KANK1: variants seen among roughly 807,000 people sequenced by gnomAD.
The protein encoded by KANK1 is KN motif and ankyrin repeat domain-containing protein 1.
In KANK1, 109 loss-of-function variants were observed where a neutral mutation model predicts 106.2. That is an observed-to-expected ratio of 1.03 (90% CI 0.88 to 1.20). The LOEUF is 1.20. Ranked by LOEUF, KANK1 falls within the 50% of genes most tolerant of loss-of-function variation. The pLI, the probability that KANK1 is intolerant of heterozygous loss-of-function variation, is 0.00. For synonymous variants in KANK1, 873 were observed against 652.2 expected, an observed-to-expected ratio of 1.34 and a Z score of -5.16; for missense variants, 2,399 against 1,710.7, an observed-to-expected ratio of 1.40 and a Z score of -7.10.
chr9:645,480 A>G (rs1839473538), intron 1 of KANK1, among the ~76,000 whole-genome samples: 1 of 149,838 alleles, frequency 6.7e-6, no homozygotes, highest in Non-Finnish European at 1.5e-5. Context: ...GATAAAAAAC[A>G]GTGAAATAAA....
intron 1 of KANK1, among the ~76,000 whole-genome samples, chr9:609,746 A>G (rs79943573): frequency 0.059 from 8,982 of 152,236 alleles, 858 homozygotes; most frequent in African/African-American, 0.2. Flanking sequence ...AGTTAATTCT[A>G]AATAAAGGAG....
intron 3 of KANK1, among the ~76,000 whole-genome samples, chr9:720,683 G>T (rs1227662960): frequency 1.3e-5 from 2 of 152,080 alleles, no homozygotes; most frequent in Admixed American, 1.3e-4. Flanking sequence ...CAGAGACGGG[G>T]TTTCATTCTG....
chr9:578,771 A>G (rs1007077442), intron 1 of KANK1, among the ~76,000 whole-genome samples: 2 of 152,282 alleles, frequency 1.3e-5, no homozygotes, highest in Admixed American at 6.5e-5. Context: ...TCCAAATCCT[A>G]CCAGTTCTGT....
chr9:625,810 C>G (rs1834202569), intron 1 of KANK1, among the ~76,000 whole-genome samples: 1 of 152,156 alleles, frequency 6.6e-6, no homozygotes, highest in African/African-American at 2.4e-5. Flanking sequence ...GCACTGTGTA[C>G]TTAAAGTCTG....
chr9:497,430 T>TCACACA (rs112024846), intron 3 of KANK1, among the ~76,000 whole-genome samples: 1,828 of 150,812 alleles, frequency 0.012, 34 homozygotes, highest in African/African-American at 0.04. Flanking sequence ...ATGTGACTCT[T>TCACACA]CACACACACA....
Position 730,099 on chromosome 9 carries a change from G to T in KANK1, c.2747G>T (p.Ser916Ile), listed in dbSNP as rs1422282029. The T allele has an allele frequency of 1.2e-6, 2 of 1,614,208 alleles. No homozygotes were observed. Among genetic ancestry groups the T allele is most frequent in the East Asian group, 2.2e-5 (1 of 44,884 alleles). Residue 916 changes from serine (S) to isoleucine (I), a missense_variant, in exon 4 of 12, where the codon AGT becomes ATT. By Grantham distance (142) the Ser-to-Ile change is moderately radical. Transcript: ENST00000382297. ...AAGTGTGGGGGCCTTCAGTCAGGAA[G>T]TCCCTTAAGCTCCCAGACATCCCAG... The part of the protein sequence containing the change: ...TCKCGGLQSG[S>I]PLSSQTSQPE...
chr9:555,027 G>T (rs2061496774), intron 1 of KANK1, among the ~76,000 whole-genome samples: 1 of 152,128 alleles, frequency 6.6e-6, no homozygotes, highest in Non-Finnish European at 1.5e-5. Flanking sequence ...GCATCCGTTT[G>T]CCCAGTCAAG....
chr9:518,198 G>C (rs1342489033), intron 1 of KANK1, among the ~76,000 whole-genome samples: 1 of 151,804 alleles, frequency 6.6e-6, no homozygotes, highest in African/African-American at 2.4e-5. Context: ...TCATTTTCTT[G>C]GGAACTTTTC....
At chr9:548,280 A>G (rs2061055111) in intron 1 of KANK1, among the ~76,000 whole-genome samples, 1 of 152,158 alleles carries the variant, frequency 6.6e-6, no homozygotes, top group Non-Finnish European at 1.5e-5. Context: ...TCTCACTTCA[A>G]AAGATCCGCC....
chr9:571,582 TAA>T (rs1220110631), intron 1 of KANK1, among the ~76,000 whole-genome samples: 1 of 151,846 alleles, frequency 6.6e-6, no homozygotes, highest in Non-Finnish European at 1.5e-5. Context: ...AAAAAAATTT[TAA>T]AAACGTTTTT....
At chr9:591,596 G>C (rs1416170463) in intron 1 of KANK1, among the ~76,000 whole-genome samples, 8 of 151,688 alleles carry the variant, frequency 5.3e-5, no homozygotes. Flanking sequence ...TGCAGGTGCA[G>C]TTTCTTTGCT....
chr9:674,131 C>T (rs961501734), intron 1 of KANK1: 1 of 152,112 alleles, frequency 6.6e-6, no homozygotes, highest in African/African-American at 2.4e-5. Flanking sequence ...TGACTGTGCA[C>T]ACAGAGGTTA....
intron 1 of KANK1, among the ~76,000 whole-genome samples, chr9:654,351 ATGTT>A (rs1841611016): frequency 1.3e-5 from 2 of 152,324 alleles, no homozygotes; most frequent in Non-Finnish European, 2.9e-5. Context: ...TCAGTTGAGA[ATGTT>A]TGTTAGAAAT....
At chr9:638,712 A>G (rs541155933) in intron 1 of KANK1, among the ~76,000 whole-genome samples, 3 of 152,272 alleles carry the variant, frequency 2.0e-5, no homozygotes, top group Admixed American at 6.5e-5. Flanking sequence ...TAAATTTGCG[A>G]TCTGCCCTTG....
intron 3 of KANK1, among the ~76,000 whole-genome samples, chr9:722,197 C>T (rs1461081374): frequency 6.6e-6 from 1 of 152,190 alleles, no homozygotes; most frequent in Non-Finnish European, 1.5e-5. Flanking sequence ...ACTAAACTGC[C>T]TTTGTAAAAC....
At chr9:576,034 CAAT>C (rs1820471564) in intron 1 of KANK1, among the ~76,000 whole-genome samples, 1 of 152,152 alleles carries the variant, frequency 6.6e-6, no homozygotes, top group Non-Finnish European at 1.5e-5. Context: ...AAACAAAAAA[CAAT>C]AAGTTTAATG....
intron 3 of KANK1, among the ~76,000 whole-genome samples, chr9:727,614 G>A (rs12350091): frequency 3.3e-5 from 5 of 151,314 alleles, no homozygotes; most frequent in Non-Finnish European, 7.4e-5. Context: ...CCACGCCCAG[G>A]CTAATCCAGG....
At chr9:480,004 A>G (rs140168191) in intron 3 of KANK1, among the ~76,000 whole-genome samples, 1,963 of 152,326 alleles carry the variant, frequency 0.013, 41 homozygotes, top group Admixed American at 0.052. Flanking sequence ...TCAGCAGGTT[A>G]TAACAGGTTT....
chr9:677,991 G>T (rs145214436), intron 2 of KANK1, among the ~76,000 whole-genome samples: 1 of 152,168 alleles, frequency 6.6e-6, no homozygotes, highest in African/African-American at 2.4e-5. Context: ...TATGTAAGCC[G>T]TAAAGCACTT....
Sources: allele counts gnomAD v4.1 joint callset (sites outside exome capture counted in the v4.1 genomes callset), GRCh38; gene constraint gnomAD v4.1.1; transcripts MANE v1.5; gene names NCBI Gene and HGNC (gene_info 2026-07-23, HGNC 2026-07-21).